TIPIN: variants seen among roughly 807,000 people sequenced by gnomAD.
TIPIN encodes TIMELESS-interacting protein.
TIPIN carries 29 observed loss-of-function variants against 35.6 expected under a neutral mutation model. The observed-to-expected ratio is 0.82, with a 90% confidence interval of 0.61 to 1.11. The LOEUF is 1.11. Among genes scored for constraint, TIPIN ranks in the 50% most tolerant of loss-of-function variants. The pLI is 0.00. For synonymous variants in TIPIN, 102 were observed against 121.5 expected (o/e 0.84, Z 1.06); for missense variants, 296 against 345.4 (o/e 0.86, Z 1.13).
intron 1 of TIPIN, among the ~76,000 whole-genome samples, chr15:66,367,556 G>A (rs1279846440): frequency 6.6e-6 from 1 of 151,502 alleles, no homozygotes; most frequent in Non-Finnish European, 1.5e-5. Context: ...CACCACACTT[G>A]GCTAACTTTT....
At chr15:66,382,430 C>A in intron 1 of TIPIN, 1 of 967,224 alleles carries the variant, frequency 1.0e-6, no homozygotes, top group Non-Finnish European at 1.2e-6. Context: ...GTTTTCCAGG[C>A]TGGTGTGCAA....
intron 2 of TIPIN, 45 bp from the exon 3 acceptor site, chr15:66,352,252 T>A: frequency 7.2e-7 from 1 of 1,381,020 alleles, no homozygotes; most frequent in Non-Finnish European, 1.0e-6. Flanking sequence ...CTTAAATGAT[T>A]TGTATTATTT....
At chr15:66,364,972 A>AAAAAAAAAAG (rs1239302638) in intron 1 of TIPIN, among the ~76,000 whole-genome samples, 2 of 150,542 alleles carry the variant, frequency 1.3e-5, no homozygotes, top group African/African-American at 4.9e-5. Flanking sequence ...ATCTCAAAAA[A>AAAAAAAAAAG]AAAGAAAAAG....
At chr15:66,371,176 A>G in intron 1 of TIPIN, 1 of 943,488 alleles carries the variant, frequency 1.1e-6, no homozygotes, top group South Asian at 4.9e-5. Context: ...TCGCCATTGC[A>G]CTGCAGGCTG....
chr15:66,345,513 G>A (rs1404212531), intron 6 of TIPIN, among the ~76,000 whole-genome samples: 1 of 152,152 alleles, frequency 6.6e-6, no homozygotes, highest in African/African-American at 2.4e-5. Context: ...TCAGGAGTTT[G>A]AGACAAGCCT....
At chr15:66,344,699 GAAAA>G (rs1166876800) in intron 6 of TIPIN, among the ~76,000 whole-genome samples, 1 of 111,422 alleles carries the variant, frequency 9.0e-6, no homozygotes, top group South Asian at 3.1e-4. Context: ...AAAAAAAAAA[GAAAA>G]AAAAAAAAAA....
intron 1 of TIPIN, chr15:66,379,795 T>C (rs1358754978): frequency 6.2e-7 from 1 of 1,601,464 alleles, no homozygotes; most frequent in Non-Finnish European, 8.5e-7. Context: ...TCTACATTGA[T>C]GTGATTGAAG....
In TIPIN at chr15:66,339,354, G is replaced by A. The variant is rs1241531616; in HGVS notation, c.682+1796C>T. Among the ~76,000 whole-genome samples, 16 of 150,674 alleles carry A rather than the reference G, an allele frequency of 1.1e-4. No individual in the cohort carries two copies. The Admixed American group carries it at 1.1e-3, about 10-fold the overall frequency. Reference sequence around the variant, plus strand: ...TTGAACTCCCAGGCTCAAGTGATCTGCCCACCTCAGCCTCCCAAAGTGCTG... The same window carrying A: ...TTGAACTCCCAGGCTCAAGTGATCTACCCACCTCAGCCTCCCAAAGTGCTG... On this transcript the variant is annotated intron_variant, in intron 7 of 7. Transcript: ENST00000261881.
chr15:66,361,576 A>AC (rs1379316340), upstream of TIPIN, among the ~76,000 whole-genome samples: 1 of 151,702 alleles, frequency 6.6e-6, no homozygotes, highest in African/African-American at 2.4e-5. Flanking sequence ...AAAAAAAAAA[A>AC]AAACAGCAAA....
intron 1 of TIPIN, chr15:66,379,567 A>T: frequency 6.2e-7 from 1 of 1,611,430 alleles, no homozygotes; most frequent in Non-Finnish European, 8.5e-7. Flanking sequence ...TCACCCAAGA[A>T]ATTTCGGATT....
intron 1 of TIPIN, among the ~76,000 whole-genome samples, chr15:66,363,505 G>C (rs2093239915): frequency 6.6e-6 from 1 of 151,362 alleles, no homozygotes; most frequent in African/African-American, 2.4e-5. Flanking sequence ...AGCTGGGCGT[G>C]GTGGCCGGCA....
In TIPIN at chr15:66,349,131, TG is replaced by T; in HGVS notation, c.412-9del. 6.2e-7 allele frequency: 1 copy of T among 1,609,906 alleles called. No individual in the cohort carries two copies. Among genetic ancestry groups the T allele is most frequent in the Non-Finnish European group, 8.5e-7 (1 of 1,178,088 alleles). On this transcript the variant is annotated splice_polypyrimidine_tract_variant and intron_variant, in intron 5 of 7. Transcript: ENST00000261881. ...AATTCGTTTTAAACAGGTCTGAAAA[TG>T]AAAAGAGATTATTTATTTTTACCTC... is the stretch of plus-strand genomic sequence containing the variant.
chr15:66,373,585 G>T (rs73486093), intron 1 of TIPIN, among the ~76,000 whole-genome samples: 1 of 151,866 alleles, frequency 6.6e-6, no homozygotes, highest in East Asian at 1.9e-4. Flanking sequence ...AGAAGATATC[G>T]CCAGTTTTCC....
chr15:66,382,857 A>T, intron 1 of TIPIN: 1 of 681,052 alleles, frequency 1.5e-6, no homozygotes, highest in Non-Finnish European at 1.8e-6. Flanking sequence ...TCATACACAT[A>T]TAGTTCAGTC....
chr15:66,359,200 AAGAT>A (rs1031702922), upstream of TIPIN, among the ~76,000 whole-genome samples: 2 of 140,308 alleles, frequency 1.4e-5, no homozygotes, highest in African/African-American at 2.8e-5. Flanking sequence ...CACACACACA[AAGAT>A]AGAAAGTAAA....
At chr15:66,376,231 G>A (rs965963244) in intron 1 of TIPIN, among the ~76,000 whole-genome samples, 4 of 152,136 alleles carry the variant, frequency 2.6e-5, no homozygotes, top group African/African-American at 9.6e-5. Flanking sequence ...GCATAAATAT[G>A]TCTGCCTCAT....
upstream of TIPIN, among the ~76,000 whole-genome samples, chr15:66,359,851 A>C (rs2093223615): frequency 2.0e-5 from 3 of 152,222 alleles, no homozygotes. Context: ...CGAACAGAGC[A>C]GATACTGATA....
At chr15:66,353,966 A>T (rs2093186799) in intron 1 of TIPIN, among the ~76,000 whole-genome samples, 1 of 152,058 alleles carries the variant, frequency 6.6e-6, no homozygotes, top group Non-Finnish European at 1.5e-5. Flanking sequence ...TAAAAATATA[A>T]AAAAAATTTA....
intron 6 of TIPIN, among the ~76,000 whole-genome samples, chr15:66,347,833 C>A (rs1317631869): frequency 6.6e-6 from 1 of 152,134 alleles, no homozygotes; most frequent in African/African-American, 2.4e-5. Context: ...AACTGCCCAC[C>A]TCAGCCTCCC....
Sources: gnomAD v4.1 joint callset for allele counts (sites outside exome capture counted in the v4.1 genomes callset) on GRCh38, gnomAD v4.1.1 for gene constraint, MANE v1.5 for transcripts, NCBI Gene and HGNC (gene_info 2026-07-23, HGNC 2026-07-21) for gene names.